ACOT11: variants seen among roughly 807,000 people sequenced by gnomAD.
The protein encoded by ACOT11 is acyl-coenzyme A thioesterase 11.
In ACOT11, 69 loss-of-function variants were observed where a neutral mutation model predicts 77.5. The ratio of observed to expected loss-of-function variants is 0.89; its 90% confidence interval spans 0.73 to 1.09. ACOT11 has a LOEUF of 1.09. ACOT11 is among the 50% of genes least tolerant of loss of function. The probability of loss-of-function intolerance (pLI) is 0.00; values close to 1 mark genes in which losing one functional copy is unlikely to be tolerated. For synonymous variants in ACOT11, 279 were observed against 313.0 expected, an observed-to-expected ratio of 0.89 and a Z score of 1.15; for missense variants, 766 against 813.7, an observed-to-expected ratio of 0.94 and a Z score of 0.71.
intron 1 of ACOT11, among the ~76,000 whole-genome samples, chr1:54,572,575 G>T (rs548708954): frequency 2.0e-5 from 3 of 152,304 alleles, no homozygotes; most frequent in South Asian, 4.1e-4. Context: ...CCTGAGGGGG[G>T]GGGTCACACG....
chr1:54,601,193 G>A, intron 8 of ACOT11, 76 bp from the exon 9 acceptor site: 1 of 1,532,924 alleles, frequency 6.5e-7, no homozygotes, highest in South Asian at 1.2e-5. Flanking sequence ...GTGTGTGTGT[G>A]AGTGTGTGTG....
downstream of ACOT11, chr1:54,610,914 G>T: frequency 1.0e-6 from 1 of 985,332 alleles, no homozygotes; most frequent in Non-Finnish European, 1.2e-6. Context: ...AGGGAATGAG[G>T]GGTTTGGATA....
intron 1 of ACOT11, chr1:54,548,561 G>A (rs1047736696): frequency 7.2e-5 from 45 of 626,902 alleles, no homozygotes; most frequent in Non-Finnish European, 1.2e-4. Flanking sequence ...ATCCCCCACG[G>A]GCTGGCTGTG....
intron 1 of ACOT11, among the ~76,000 whole-genome samples, chr1:54,557,878 CT>C (rs1653321897): frequency 1.3e-5 from 2 of 152,096 alleles, no homozygotes; most frequent in African/African-American, 4.8e-5. Flanking sequence ...TCTCTCTTGC[CT>C]AATTGCTCTG....
rs1384581889 is a variant in ACOT11 at position 54,623,458 on chromosome 1, A to C, written c.1630-7276A>C. 5 of 1,284,296 alleles carry C rather than the reference A, an allele frequency of 3.9e-6. No individual in the cohort carries two copies. The Admixed American group carries it at 8.8e-5, about 23-fold the overall frequency. The allele number at this position is 1,284,296 out of a possible 1,614,324, so 79.6% of individuals were successfully genotyped here. On this transcript the variant is annotated intron_variant, in intron 15 of 16. Coordinates refer to the ACOT11 transcript ENST00000371316. Reference sequence around the variant, plus strand: ...GCCCAGAGTCCCTGAGGCTCCCTGCAGCTGGAATCCTGTGGGAGGCAGGAG... The same window carrying C: ...GCCCAGAGTCCCTGAGGCTCCCTGCCGCTGGAATCCTGTGGGAGGCAGGAG...
At chr1:54,576,491 T>TGAAAAAAAA (rs1330910972) in intron 1 of ACOT11, among the ~76,000 whole-genome samples, 1 of 68,366 alleles carries the variant, frequency 1.5e-5, no homozygotes, top group Non-Finnish European at 3.0e-5. Context: ...GAGCAAGATC[T>TGAAAAAAAA]AAAAAAAAAA....
At chr1:54,582,078 A>G (rs1359787933) in intron 1 of ACOT11, among the ~76,000 whole-genome samples, 5 of 152,196 alleles carry the variant, frequency 3.3e-5, no homozygotes, top group South Asian at 4.1e-4. Flanking sequence ...CTTGTCTCTC[A>G]GTGTGCTTCA....
intron 7 of ACOT11, 77 bp from the exon 8 acceptor site, chr1:54,599,218 AT>A (rs1643933935): frequency 5.4e-5 from 5 of 93,164 alleles, no homozygotes; most frequent in African/African-American, 3.9e-4. Context: ...ATATATATAT[AT>A]ATATAAAAAT....
chr1:54,563,287 T>C (rs191900710), intron 1 of ACOT11, among the ~76,000 whole-genome samples: 104 of 152,334 alleles, frequency 6.8e-4, no homozygotes, highest in Non-Finnish European at 1.4e-3. Flanking sequence ...GCACCCAGCT[T>C]AAGCAACTTG....
Position 54,604,438 on chromosome 1 carries a change from C to A in ACOT11, c.1236+9C>A. On this transcript the variant is annotated intron_variant, in intron 12 of 15. Coordinates refer to ENST00000343744, the MANE Select transcript of ACOT11 (RefSeq NM_147161.4). ...CCTCGGAGATCAGTCAGGTAGCTGA[C>A]CCCACCCACCCAATTTTCCTTTCTC... 6.2e-7 allele frequency: 1 copy of A among 1,613,486 alleles called. No homozygotes were observed. Among genetic ancestry groups the A allele is most frequent in the African/African-American group, 1.3e-5 (1 of 74,982 alleles).
chr1:54,606,565 C>G (rs961459220), intron 13 of ACOT11, among the ~76,000 whole-genome samples: 1 of 152,188 alleles, frequency 6.6e-6, no homozygotes, highest in African/African-American at 2.4e-5. Context: ...GGACACACCC[C>G]AGCCCTGCTT....
At chr1:54,586,375 T>C (rs1569715921) in intron 3 of ACOT11, among the ~76,000 whole-genome samples, 1 of 152,040 alleles carries the variant, frequency 6.6e-6, no homozygotes, top group Admixed American at 6.5e-5. Flanking sequence ...CAACCTCTGC[T>C]CACATCCTTC....
At chr1:54,591,403 T>G (rs1654706788) in intron 3 of ACOT11, among the ~76,000 whole-genome samples, 1 of 152,066 alleles carries the variant, frequency 6.6e-6, no homozygotes, top group Non-Finnish European at 1.5e-5. Context: ...GGAGCTTGAC[T>G]GGAACCCAGG....
At chr1:54,613,654 C>A (rs747945549), downstream of ACOT11, among the ~76,000 whole-genome samples, 3 of 152,126 alleles carry the variant, frequency 2.0e-5, no homozygotes, top group Non-Finnish European at 4.4e-5. Flanking sequence ...TTTTCTTCTT[C>A]AAAAGATGCA....
intron 15 of ACOT11, chr1:54,623,471 T>G: frequency 8.8e-7 from 1 of 1,138,340 alleles, no homozygotes; most frequent in Non-Finnish European, 1.3e-6. Flanking sequence ...TGGAATCCTG[T>G]GGGAGGCAGG....
At chr1:54,563,514 T>G (rs1163935005) in intron 1 of ACOT11, among the ~76,000 whole-genome samples, 1 of 152,244 alleles carries the variant, frequency 6.6e-6, no homozygotes, top group Non-Finnish European at 1.5e-5. Flanking sequence ...TAGAAAAGCC[T>G]GAAACTTAGT....
intron 15 of ACOT11, among the ~76,000 whole-genome samples, chr1:54,608,627 A>G (rs1356345234): frequency 1.3e-5 from 2 of 152,208 alleles, no homozygotes; most frequent in African/African-American, 4.8e-5. Flanking sequence ...ATGTGTCTCT[A>G]TGGCCGAGAT....
At position 54,609,218 on chromosome 1, in the gene ACOT11, C is replaced by T; in HGVS notation, c.*106C>T. The T allele has an allele frequency of 6.3e-7, 1 of 1,589,958 alleles. No individual in the cohort carries two copies. The highest frequency in any genetic ancestry group is 8.6e-7 in the Non-Finnish European group (1 of 1,166,684). On this transcript the variant is annotated 3_prime_UTR_variant, in exon 16 of 16. Transcript: ENST00000343744. ...AAGACCTTTATTTCTTCCTGCCTCC[C>T]CGTGGGAAGCCTCCGCCCTGAGGTC...
At chr1:54,619,006 C>T (rs1257128146) in intron 15 of ACOT11, among the ~76,000 whole-genome samples, 1 of 152,162 alleles carries the variant, frequency 6.6e-6, no homozygotes, top group Non-Finnish European at 1.5e-5. Context: ...ATAATGACCT[C>T]AAAAGAGCCC....
Sources: allele counts gnomAD v4.1 joint callset (sites outside exome capture counted in the v4.1 genomes callset), GRCh38; gene constraint gnomAD v4.1.1; transcripts MANE v1.5; gene names NCBI Gene and HGNC (gene_info 2026-07-23, HGNC 2026-07-21).